Variants in LRP11 observed in about 807,000 individuals in gnomAD.
LRP11 encodes the protein low-density lipoprotein receptor-related protein 11.
LRP11 carries 25 observed loss-of-function variants against 43.1 expected under a neutral mutation model. The ratio of observed to expected loss-of-function variants is 0.58; its 90% CI spans 0.42 to 0.81. The LOEUF (loss-of-function observed/expected upper bound fraction) is 0.81. Among genes scored for constraint, LRP11 ranks in the 30% least tolerant of loss-of-function variants. The probability of loss-of-function intolerance (pLI) is 0.00; values close to 1 mark genes in which losing one functional copy is unlikely to be tolerated. For synonymous variants in LRP11, 316 were observed against 299.4 expected (o/e 1.06, Z -0.57); for missense variants, 623 against 665.1 (o/e 0.94, Z 0.70).
intron 2 of LRP11, among the ~76,000 whole-genome samples, chr6:149,849,064 C>T (rs752901654): frequency 6.6e-6 from 1 of 152,164 alleles, no homozygotes; most frequent in Admixed American, 6.5e-5. Context: ...GAAAGAAATT[C>T]ATTTCTGCTC....
chr6:149,829,805 T>G (rs1351376751), intron 5 of LRP11, among the ~76,000 whole-genome samples: 1 of 151,962 alleles, frequency 6.6e-6, no homozygotes, highest in Admixed American at 6.6e-5. Context: ...GAAACACTAC[T>G]GCACTATTTC....
chr6:149,834,481 G>C (rs1051122992), intron 5 of LRP11, among the ~76,000 whole-genome samples: 9 of 152,184 alleles, frequency 5.9e-5, no homozygotes, highest in Non-Finnish European at 1.5e-5. Flanking sequence ...TGCTCACGTG[G>C]TTCTCTCCAC....
chr6:149,841,154 C>G (rs1287349729), intron 3 of LRP11, among the ~76,000 whole-genome samples: 1 of 152,138 alleles, frequency 6.6e-6, no homozygotes, highest in Admixed American at 6.5e-5. Flanking sequence ...CCTTAGGATC[C>G]TAAAATCTCT....
At position 149,864,238 on chromosome 6, in the gene LRP11, A is replaced by G. The variant is rs1219646831; in HGVS notation, c.-218T>C. 2 of 1,093,668 alleles carry G rather than the reference A, an allele frequency of 1.8e-6. No homozygotes were observed. Among genetic ancestry groups the G allele is most frequent in the African/African-American group, 3.3e-5 (2 of 59,956 alleles). 67.7% of individuals were successfully genotyped at this position (1,093,668 alleles called of 1,614,324 possible). On this transcript the variant is annotated 5_prime_UTR_variant, in exon 1 of 7. Transcript: ENST00000239367. Reference sequence around the variant, plus strand: ...GGAGACATAGCCGGCCCAGCCGGGCACCGCTCCTTGCCCTCGCCGGAGACT... The same window carrying G: ...GGAGACATAGCCGGCCCAGCCGGGCGCCGCTCCTTGCCCTCGCCGGAGACT...
In LRP11 at chr6:149,820,549, C is replaced by G; in HGVS notation, c.1503G>C (p.Ter501TyrextTer1). The G allele has an allele frequency of 1.3e-6, 1 of 780,638 alleles. No individual in the cohort carries two copies. The highest frequency in any genetic ancestry group is 1.3e-5 in the South Asian group (1 of 74,588). 48.4% of individuals were successfully genotyped at this position (780,638 alleles called of 1,614,324 possible). The change falls in exon 7 of 7, where the codon TAG becomes TAC. Residue 501 changes from the stop codon to tyrosine, a stop_lost. Transcript: ENST00000239367. ...GCCCCAAGGTATTGAAATTACATTACTATAGATACATCCCATTTATGAGGT... is the reference window on the plus strand; with the variant it reads ...GCCCCAAGGTATTGAAATTACATTAGTATAGATACATCCCATTTATGAGGT... ...SDYLINGMYL[*>Y]
chr6:149,821,583 A>G (rs1776278849), intron 6 of LRP11, among the ~76,000 whole-genome samples: 1 of 152,198 alleles, frequency 6.6e-6, no homozygotes, highest in South Asian at 2.1e-4. Flanking sequence ...TTTTCCTGTG[A>G]GGTGGATTCT....
intron 3 of LRP11, among the ~76,000 whole-genome samples, 184 bp from the exon 4 acceptor site, chr6:149,837,647 C>T (rs558031252): frequency 2.0e-5 from 3 of 152,228 alleles, no homozygotes; most frequent in East Asian, 3.9e-4. Flanking sequence ...TTGAGCCTCC[C>T]GACTTAATTC....
chr6:149,843,074 G>A lies in LRP11; in HGVS notation c.822C>T (p.Tyr274=). 1 of 1,614,204 alleles carries A rather than the reference G, an allele frequency of 6.2e-7. No homozygotes were observed. Among genetic ancestry groups the A allele is most frequent in the Non-Finnish European group, 8.5e-7 (1 of 1,180,038 alleles). ...LKLSHLQEGT[Y]TFQLTVTDTA... ...TGTCCGTCACGGTCAGCTGGAAGGTGTAGGTTCCCTCCTGTAGGTGGGACA... is the reference window on the plus strand; with the variant it reads ...TGTCCGTCACGGTCAGCTGGAAGGTATAGGTTCCCTCCTGTAGGTGGGACA... The change falls in exon 3 of 7, where the codon TAC becomes TAT. Residue 274 remains tyrosine, a synonymous_variant. Transcript: ENST00000239367.
intron 5 of LRP11, among the ~76,000 whole-genome samples, chr6:149,826,700 AG>A (rs1776344592): frequency 6.6e-6 from 1 of 152,128 alleles, no homozygotes; most frequent in South Asian, 2.1e-4. Flanking sequence ...GAAACCAGAA[AG>A]GTTTTTCTTT....
rs1055450871 is a variant in LRP11, at chr6:149,827,120, C to T, written c.1253-761G>A. 3.2e-4 allele frequency among the ~76,000 whole-genome samples: 49 copies of T among 151,970 alleles called. No homozygotes were observed. Among genetic ancestry groups the T allele is most frequent in the African/African-American group, 1.1e-3 (45 of 41,378 alleles). ...TAGCTGGGATTACAGGTGCGTGCCA[C>T]CATGCCTCGCTAATTTTTGTATTTT... is the stretch of plus-strand genomic sequence containing the variant. On this transcript the variant is annotated intron_variant, in intron 5 of 6. Coordinates refer to ENST00000239367, the MANE Select transcript of LRP11 (RefSeq NM_032832.6). This position sits in a 1 kb window ranked among gnomAD's most constrained non-coding sequence, Gnocchi z 4.2.
In LRP11 at chr6:149,864,239, C is replaced by T; in HGVS notation, c.-219G>A. The T allele has an allele frequency of 9.2e-7, 1 of 1,092,648 alleles. No individual in the cohort carries two copies. Among genetic ancestry groups the T allele is most frequent in the Non-Finnish European group, 1.1e-6 (1 of 900,526 alleles). 67.7% of individuals were successfully genotyped at this position (1,092,648 alleles called of 1,614,324 possible). On this transcript the variant is annotated 5_prime_UTR_variant, in exon 1 of 7. The change creates a new upstream start codon in the 5' untranslated region. Coordinates refer to ENST00000239367, the MANE Select transcript of LRP11 (RefSeq NM_032832.6). ...GAGACATAGCCGGCCCAGCCGGGCA[C>T]CGCTCCTTGCCCTCGCCGGAGACTG...
Position 149,847,525 on chromosome 6 carries a change from C to T in LRP11, c.772-4401G>A, listed in dbSNP as rs530001745. On this transcript the variant is annotated intron_variant, in intron 2 of 6. Coordinates refer to ENST00000239367, the MANE Select transcript of LRP11 (RefSeq NM_032832.6). ...TATACATTTTCTCCCATTAGGATGA[C>T]ACTGGAGAGAGGGTTTACAGTGTTT... Among the ~76,000 whole-genome samples, 5 of 152,330 alleles carry T rather than the reference C, an allele frequency of 3.3e-5. No homozygotes were observed. In the East Asian group the frequency reaches 9.6e-4, roughly 29 times the overall value.
At chr6:149,847,175 G>A (rs1056062703) in intron 2 of LRP11, among the ~76,000 whole-genome samples, 6 of 152,108 alleles carry the variant, frequency 3.9e-5, no homozygotes, top group African/African-American at 1.4e-4. Context: ...GCAGGCCTGC[G>A]GTTCACTAGC....
intron 2 of LRP11, among the ~76,000 whole-genome samples, chr6:149,846,192 A>T (rs1279370052): frequency 1.3e-5 from 2 of 152,216 alleles, no homozygotes; most frequent in Non-Finnish European, 2.9e-5. Context: ...GCAGGTGGTG[A>T]AGCTCAGAGC....
At chr6:149,842,942 T>C (rs757304201) in intron 3 of LRP11, 41 bp downstream of exon 3, 4 of 1,611,704 alleles carry the variant, frequency 2.5e-6, no homozygotes, top group Admixed American at 1.7e-5. Flanking sequence ...GACATTGCCT[T>C]CCACAAGCAG....
At chr6:149,842,949 G>A (rs756233277) in intron 3 of LRP11, 34 bp downstream of exon 3, 6 of 1,612,180 alleles carry the variant, frequency 3.7e-6, no homozygotes, top group Middle Eastern at 1.7e-4. Flanking sequence ...CCTTCCACAA[G>A]CAGTGGGAAG....
intron 2 of LRP11, among the ~76,000 whole-genome samples, chr6:149,846,953 T>TAAAATAATAGAATAG (rs747243974): frequency 6.1e-5 from 8 of 131,516 alleles, no homozygotes; most frequent in Admixed American, 1.5e-4. Context: ...TAAAATAAAA[T>TAAAATAATAGAATAG]AATAGAATAG....
intron 1 of LRP11, among the ~76,000 whole-genome samples, chr6:149,855,216 C>T (rs1481131749): frequency 6.6e-6 from 1 of 152,146 alleles, no homozygotes; most frequent in African/African-American, 2.4e-5. Flanking sequence ...AGTACAAGGC[C>T]TGGAATGTGA....
chr6:149,822,337 C>T (rs1776287417), intron 6 of LRP11, among the ~76,000 whole-genome samples: 1 of 150,180 alleles, frequency 6.7e-6, no homozygotes, highest in South Asian at 2.1e-4. Context: ...AAGGGCCTAT[C>T]TCAAAAAAAA....
Sources: allele counts gnomAD v4.1 joint callset (sites outside exome capture counted in the v4.1 genomes callset), GRCh38; gene constraint gnomAD v4.1.1; non-coding constraint Gnocchi (gnomAD v3.1); transcripts MANE v1.5; gene names NCBI Gene and HGNC (gene_info 2026-07-23, HGNC 2026-07-21).